The following EDIL3 variants were observed in gnomAD, a reference collection of about 807,000 sequenced individuals.
EDIL3 encodes EGF-like repeat and discoidin I-like domain-containing protein 3.
In EDIL3, 37 loss-of-function variants were observed where a neutral mutation model predicts 67.4. The ratio of observed to expected loss-of-function variants is 0.55; its 90% CI spans 0.42 to 0.72. The LOEUF is 0.72. Among genes scored for constraint, EDIL3 ranks in the 30% least tolerant of loss-of-function variants. The pLI is 0.00. For synonymous variants in EDIL3, 195 were observed against 196.3 expected (o/e 0.99, Z 0.05); for missense variants, 527 against 586.3 (o/e 0.90, Z 1.04).
In EDIL3 at chr5:83,941,739, G is replaced by T. The variant is rs1237011878; in HGVS notation, c.*1680C>A. ...CTTCAAATTCATAATTTCATAATAA[G>T]AACAAGAAGTAGAAAGCATATGGGC... is the stretch of plus-strand genomic sequence containing the variant. On this transcript the variant is annotated 3_prime_UTR_variant, in exon 11 of 11. Coordinates refer to ENST00000296591, the MANE Select transcript of EDIL3 (RefSeq NM_005711.5). 2 of 151,932 alleles carry T rather than the reference G, an allele frequency of 1.3e-5. No homozygotes were observed. Among genetic ancestry groups the T allele is most frequent in the African/African-American group, 4.8e-5 (2 of 41,402 alleles). 9.4% of individuals were successfully genotyped at this position (151,932 alleles called of 1,614,324 possible).
intron 1 of EDIL3, among the ~76,000 whole-genome samples, chr5:84,350,893 T>C (rs531411655): frequency 1.3e-5 from 2 of 152,248 alleles, no homozygotes; most frequent in East Asian, 3.9e-4. Context: ...ATCAATATAA[T>C]TAAGTTATTT....
At chr5:84,323,476 A>T (rs1411918623) in intron 1 of EDIL3, among the ~76,000 whole-genome samples, 2 of 151,848 alleles carry the variant, frequency 1.3e-5, no homozygotes, top group Non-Finnish European at 2.9e-5. Context: ...AATTATACAA[A>T]GAAGAAAATA....
At position 84,243,038 on chromosome 5, in the gene EDIL3, T is replaced by C. The variant is rs145450420; in HGVS notation, c.196+11046A>G. 3.1e-3 allele frequency among the ~76,000 whole-genome samples: 459 copies of C among 150,044 alleles called. 3 individuals carry two copies. Among genetic ancestry groups the C allele is most frequent in the Non-Finnish European group, 5.0e-3 (338 of 67,772 alleles). ...CCTTCCCGTTTAACACTGACATTGA[T>C]ATTAGCTCCCTTGTTTATTTTCAGG... On this transcript the variant is annotated intron_variant, in intron 2 of 10. Coordinates refer to ENST00000296591, the MANE Select transcript of EDIL3 (RefSeq NM_005711.5).
At chr5:84,053,488 A>T (rs1334285120) in intron 9 of EDIL3, among the ~76,000 whole-genome samples, 2 of 152,212 alleles carry the variant, frequency 1.3e-5, no homozygotes, top group East Asian at 3.8e-4. Flanking sequence ...CAGAGACACA[A>T]AAAACCCTTC....
At chr5:84,046,768 C>A (rs370722877) in intron 9 of EDIL3, among the ~76,000 whole-genome samples, 73 of 152,280 alleles carry the variant, frequency 4.8e-4, no homozygotes, top group African/African-American at 1.8e-3. Context: ...ACGCCACAAA[C>A]GAAAATTCAT....
At chr5:84,160,739 TCTTTTCTTTCCTTTCCTTTC>T (rs1748588273) in intron 4 of EDIL3, among the ~76,000 whole-genome samples, 5 of 120,540 alleles carry the variant, frequency 4.1e-5, no homozygotes, top group South Asian at 2.9e-4. Flanking sequence ...TTTTTTCTTT[TCTTTTCTTTCCTTTCCTTTC>T]CTTTCCTTTC....
intron 4 of EDIL3, among the ~76,000 whole-genome samples, chr5:84,166,508 A>G (rs1580357414): frequency 6.6e-6 from 1 of 152,174 alleles, no homozygotes; most frequent in East Asian, 1.9e-4. Context: ...AATATTTATC[A>G]AGCACCTATG....
chr5:84,309,312 TG>T (rs372673490), intron 1 of EDIL3, among the ~76,000 whole-genome samples: 18 of 149,518 alleles, frequency 1.2e-4, no homozygotes, highest in East Asian at 1.9e-4. Flanking sequence ...TTTTTTTCTT[TG>T]TTTTTTTTTT....
intron 4 of EDIL3, among the ~76,000 whole-genome samples, chr5:84,157,610 C>T (rs1175586264): frequency 6.6e-6 from 1 of 151,956 alleles, no homozygotes; most frequent in African/African-American, 2.4e-5. Flanking sequence ...TATGTTTTCT[C>T]AAAATCAATT....
intron 2 of EDIL3, among the ~76,000 whole-genome samples, chr5:84,233,394 T>A (rs150221907): frequency 6.6e-6 from 1 of 152,180 alleles, no homozygotes; most frequent in East Asian, 1.9e-4. Context: ...CCATCAAAGT[T>A]TATTTCACTG....
intron 1 of EDIL3, among the ~76,000 whole-genome samples, chr5:84,378,179 T>C (rs16901069): frequency 0.089 from 13,481 of 152,276 alleles, 773 homozygotes; most frequent in South Asian, 0.22. Context: ...TGTTCAGATA[T>C]CTAGCTATTT....
intron 4 of EDIL3, among the ~76,000 whole-genome samples, chr5:84,178,915 A>C (rs2112356172): frequency 6.6e-6 from 1 of 152,306 alleles, no homozygotes; most frequent in Non-Finnish European, 1.5e-5. Flanking sequence ...TGTGCTTTGA[A>C]ATGTCTTGAA....
intron 3 of EDIL3, among the ~76,000 whole-genome samples, chr5:84,191,639 T>A (rs890577749): frequency 1.3e-5 from 2 of 152,044 alleles, no homozygotes; most frequent in African/African-American, 4.8e-5. Flanking sequence ...AAACAGAACA[T>A]AATGACTGCT....
At chr5:83,945,066 C>G (rs576133762) in intron 10 of EDIL3, among the ~76,000 whole-genome samples, 1 of 151,972 alleles carries the variant, frequency 6.6e-6, no homozygotes, top group African/African-American at 2.4e-5. Context: ...TTAGGCAGTA[C>G]GGCACTGATT....
At chr5:84,259,143 T>C (rs1745178044) in intron 1 of EDIL3, among the ~76,000 whole-genome samples, 3 of 152,004 alleles carry the variant, frequency 2.0e-5, no homozygotes, top group Admixed American at 6.6e-5. Flanking sequence ...GTATTTTTAG[T>C]AGAGACAGGG....
intron 9 of EDIL3, among the ~76,000 whole-genome samples, chr5:84,034,931 A>G (rs1745992976): frequency 6.6e-6 from 1 of 152,118 alleles, no homozygotes; most frequent in Non-Finnish European, 1.5e-5. Context: ...AAGTGAGTAC[A>G]TTTCTTCTAG....
chr5:84,241,693 A>G (rs1297602482), intron 2 of EDIL3, among the ~76,000 whole-genome samples: 1 of 151,444 alleles, frequency 6.6e-6, no homozygotes, highest in Non-Finnish European at 1.5e-5. Flanking sequence ...CAGGAAAAAA[A>G]AAAAACAACC....
chr5:84,149,099 C>T (rs1357361947), intron 4 of EDIL3, among the ~76,000 whole-genome samples: 1 of 152,052 alleles, frequency 6.6e-6, no homozygotes, highest in Non-Finnish European at 1.5e-5. Flanking sequence ...CAGGCAGAGC[C>T]TGGTGAACTC....
chr5:84,162,492 A>G (rs1358837423), intron 4 of EDIL3, among the ~76,000 whole-genome samples: 1 of 152,110 alleles, frequency 6.6e-6, no homozygotes, highest in African/African-American at 2.4e-5. Flanking sequence ...GGCTTTGGTG[A>G]TCTGGATTTG....
Sources: allele counts gnomAD v4.1 joint callset (sites outside exome capture counted in the v4.1 genomes callset), GRCh38; gene constraint gnomAD v4.1.1; transcripts MANE v1.5; gene names NCBI Gene and HGNC (gene_info 2026-07-23, HGNC 2026-07-21).